NCOA2: variants seen among roughly 807,000 people sequenced by gnomAD.
The protein encoded by NCOA2 is nuclear receptor coactivator 2.
In NCOA2, 21 loss-of-function variants were observed where a neutral mutation model predicts 145.1. That is an observed-to-expected ratio of 0.14 (90% confidence interval 0.10 to 0.21). The LOEUF is 0.21. Ranked by LOEUF, NCOA2 falls within the 10% of genes least tolerant of loss-of-function variation. The pLI is 1.00. For synonymous variants in NCOA2, 619 were observed against 637.5 expected (o/e 0.97, Z 0.44); for missense variants, 1,472 against 1,837.6 (o/e 0.80, Z 3.64).
At chr8:70,167,965 T>C (rs1464107255) in intron 6 of NCOA2, among the ~76,000 whole-genome samples, 1 of 152,250 alleles carries the variant, frequency 6.6e-6, no homozygotes, top group Admixed American at 6.5e-5. Flanking sequence ...CTCATTTTGG[T>C]GTTCTTTTCT....
chr8:70,190,671 G>T (rs1367845938), intron 4 of NCOA2, among the ~76,000 whole-genome samples: 1 of 152,150 alleles, frequency 6.6e-6, no homozygotes, highest in Non-Finnish European at 1.5e-5. Context: ...GGCCAACATG[G>T]CAAAACCCTG....
chr8:70,282,637 G>A (rs867305364), intron 2 of NCOA2, among the ~76,000 whole-genome samples: 5 of 149,800 alleles, frequency 3.3e-5, no homozygotes, highest in Admixed American at 6.7e-5. Flanking sequence ...GCAGTGAGCT[G>A]AGATCGTGCC....
intron 12 of NCOA2, among the ~76,000 whole-genome samples, chr8:70,145,249 C>T (rs531213063): frequency 3.9e-5 from 6 of 152,148 alleles, no homozygotes; most frequent in East Asian, 3.9e-4. Flanking sequence ...CCTCTGCCTC[C>T]GAGGTTCAAG....
At chr8:70,281,137 T>G (rs1351053125) in intron 2 of NCOA2, among the ~76,000 whole-genome samples, 1 of 151,682 alleles carries the variant, frequency 6.6e-6, no homozygotes, top group East Asian at 1.9e-4. Flanking sequence ...GTGGATCACT[T>G]GAAGTCAGGA....
chr8:70,347,067 T>C (rs1385526325), intron 1 of NCOA2, among the ~76,000 whole-genome samples: 1 of 152,240 alleles, frequency 6.6e-6, no homozygotes, highest in East Asian at 1.9e-4. Flanking sequence ...CTTCATTCTA[T>C]GGATTAAGGA....
chr8:70,430,507 C>G, the NCOA2 span, among the ~76,000 whole-genome samples: 2 of 152,150 alleles, frequency 1.3e-5, no homozygotes, highest in African/African-American at 4.8e-5. Context: ...TGGAGATAGC[C>G]AACATAGTCA....
In NCOA2 at chr8:70,131,975, GTCA is replaced by G. The variant is rs1226477254; in HGVS notation, c.3183_3185del (p.Asp1062del). On this transcript the variant is annotated inframe_deletion, in exon 16 of 23. Coordinates refer to ENST00000452400, the MANE Select transcript of NCOA2 (RefSeq NM_006540.4). Reference sequence around the variant, plus strand: ...CAGCTGCAGGATGTGGACATAGCAAGTCATCTGGAGAACTGCCAAATGGCTGCC... The same window carrying G: ...CAGCTGCAGGATGTGGACATAGCAAGTCTGGAGAACTGCCAAATGGCTGCC... The G allele has an allele frequency of 6.2e-7, 1 of 1,612,546 alleles. No individual in the cohort carries two copies. Among genetic ancestry groups the G allele is most frequent in the South Asian group, 1.1e-5 (1 of 90,516 alleles).
At chr8:70,416,055 A>G in the NCOA2 span, among the ~76,000 whole-genome samples, 1 of 152,166 alleles carries the variant, frequency 6.6e-6, no homozygotes, top group Non-Finnish European at 1.5e-5. Flanking sequence ...GGCTCATGCA[A>G]TTGTGGGGAC....
chr8:70,303,661 G>A (rs1827666296), intron 1 of NCOA2, among the ~76,000 whole-genome samples: 1 of 152,086 alleles, frequency 6.6e-6, no homozygotes, highest in Non-Finnish European at 1.5e-5. Flanking sequence ...CAAGGATGAG[G>A]TTGCATCCAT....
chr8:70,349,033 A>G (rs1263595647), intron 1 of NCOA2, among the ~76,000 whole-genome samples: 1 of 151,812 alleles, frequency 6.6e-6, no homozygotes, highest in Admixed American at 6.6e-5. Flanking sequence ...GAAAAGGGGA[A>G]GGAAAGTTAG....
At chr8:70,186,766 AG>A (rs1563587545) in intron 4 of NCOA2, among the ~76,000 whole-genome samples, 4 of 152,246 alleles carry the variant, frequency 2.6e-5, no homozygotes, top group Admixed American at 1.3e-4. Flanking sequence ...GTAAAACAGT[AG>A]GTGAGAAGAA....
intron 1 of NCOA2, among the ~76,000 whole-genome samples, chr8:70,384,074 G>A (rs1030171564): frequency 1.3e-4 from 20 of 152,180 alleles, no homozygotes; most frequent in Middle Eastern, 3.4e-3. Flanking sequence ...CTTTGAAACA[G>A]GCCAAATCTT....
chr8:70,365,303 G>A (rs1340661644), intron 1 of NCOA2, among the ~76,000 whole-genome samples: 1 of 152,140 alleles, frequency 6.6e-6, no homozygotes, highest in Non-Finnish European at 1.5e-5. Context: ...CTGCACTCCA[G>A]CCTAGGCGAC....
upstream of NCOA2, chr8:70,403,820 T>C: frequency 2.5e-6 from 1 of 396,598 alleles, no homozygotes; most frequent in Non-Finnish European, 4.4e-6. Context: ...CCTGGTTGTT[T>C]ATTTCAATGG....
At chr8:70,371,637 T>C (rs949399646) in intron 1 of NCOA2, among the ~76,000 whole-genome samples, 5 of 152,218 alleles carry the variant, frequency 3.3e-5, no homozygotes, top group African/African-American at 4.8e-5. Flanking sequence ...AATGAAAACT[T>C]TGATCTTATG....
chr8:70,430,636 C>T, the NCOA2 span, among the ~76,000 whole-genome samples: 2,419 of 152,138 alleles, frequency 0.016, 63 homozygotes, highest in African/African-American at 0.056. Flanking sequence ...TTCGGCATTA[C>T]GTTTAATAAT....
chr8:70,412,048 T>C, the NCOA2 span, among the ~76,000 whole-genome samples: 2 of 152,244 alleles, frequency 1.3e-5, no homozygotes, highest in Non-Finnish European at 1.5e-5. Context: ...CTAACTAGAC[T>C]GTAAACTCCC....
At chr8:70,398,481 A>G (rs1372633402) in intron 1 of NCOA2, among the ~76,000 whole-genome samples, 1 of 152,104 alleles carries the variant, frequency 6.6e-6, no homozygotes, top group Non-Finnish European at 1.5e-5. Flanking sequence ...TAATAATAAC[A>G]ACAACAGCAA....
intron 1 of NCOA2, among the ~76,000 whole-genome samples, chr8:70,370,305 T>G (rs1811095955): frequency 6.6e-6 from 1 of 152,218 alleles, no homozygotes; most frequent in Non-Finnish European, 1.5e-5. Context: ...TCTCTAGAAA[T>G]TATTTCCCAC....
Sources: allele counts gnomAD v4.1 joint callset (sites outside exome capture counted in the v4.1 genomes callset), GRCh38; gene constraint gnomAD v4.1.1; transcripts MANE v1.5; gene names NCBI Gene and HGNC (gene_info 2026-07-23, HGNC 2026-07-21).